The following ABCB1 variants were observed in gnomAD, a reference collection of about 807,000 sequenced individuals.
The protein encoded by ABCB1 is ATP-dependent translocase ABCB1.
A neutral mutation model predicts 142.0 loss-of-function variants in ABCB1; 69 were observed. The ratio of observed to expected loss-of-function variants is 0.49; its 90% CI spans 0.40 to 0.59. ABCB1 has a LOEUF of 0.59. ABCB1 is among the 20% of genes least tolerant of loss of function. ABCB1 has a pLI of 0.00. For synonymous variants in ABCB1, 532 were observed against 539.2 expected, an observed-to-expected ratio of 0.99 and a Z score of 0.18; for missense variants, 1,326 against 1,554.7, an observed-to-expected ratio of 0.85 and a Z score of 2.47.
At chr7:87,606,110 G>A (rs1435884760) in intron 1 of ABCB1, among the ~76,000 whole-genome samples, 1 of 151,840 alleles carries the variant, frequency 6.6e-6, no homozygotes, top group East Asian at 1.9e-4. Context: ...TATATAAAGA[G>A]CTTATATAAA....
At chr7:87,692,430 C>T (rs1173210469) in intron 1 of ABCB1, among the ~76,000 whole-genome samples, 1 of 152,138 alleles carries the variant, frequency 6.6e-6, no homozygotes, top group East Asian at 1.9e-4. Flanking sequence ...GAGCTCCAGC[C>T]AGGGTGACAA....
Position 87,561,139 on chromosome 7 carries a change from C to T in ABCB1, c.827+124G>A, listed in dbSNP as rs1817547411. On this transcript the variant is annotated intron_variant, in intron 8 of 27. Transcript: ENST00000622132. ...AAATATTAGTTATGCTGTAATACAT[C>T]CATTAAGCTATTTAAGAAAACATAT... 3 of 1,111,364 alleles carry T rather than the reference C, an allele frequency of 2.7e-6. No individual in the cohort carries two copies. In the Admixed American group the frequency reaches 7.6e-5, roughly 28 times the overall value. The allele number at this position is 1,111,364 out of a possible 1,614,324, so 68.8% of individuals were successfully genotyped here. A position where few individuals can be genotyped will look rare whatever the true frequency, so the allele number is the denominator to read the frequency against.
intron 8 of ABCB1, 30 bp from the exon 9 acceptor site, chr7:87,553,962 T>C (rs201719464): frequency 1.2e-5 from 19 of 1,578,918 alleles, no homozygotes; most frequent in Non-Finnish European, 1.7e-5. Context: ...TGATCACATA[T>C]ACATTTTATG....
Position 87,503,547 on chromosome 7 carries a change from G to C in ABCB1, c.*696C>G, listed in dbSNP as rs1584823045. On this transcript the variant is annotated 3_prime_UTR_variant, in exon 28 of 28. Coordinates refer to ENST00000622132, the MANE Select transcript of ABCB1 (RefSeq NM_001348946.2). ...AATGCAAAGTATTTACTATACATCT[G>C]AATAATATGCACTTCATAATTGTGC... 1.3e-5 allele frequency: 2 copies of C among 152,630 alleles called. No homozygotes were observed. Among genetic ancestry groups the C allele is most frequent in the African/African-American group, 2.4e-5 (1 of 41,412 alleles). 9.5% of individuals were successfully genotyped at this position (152,630 alleles called of 1,614,324 possible).
intron 1 of ABCB1, among the ~76,000 whole-genome samples, chr7:87,698,764 G>A (rs1234880473): frequency 6.6e-6 from 1 of 152,178 alleles, no homozygotes; most frequent in Non-Finnish European, 1.5e-5. Context: ...CGCCTAATAT[G>A]TGAAATAATC....
rs1018838697 is a variant in ABCB1, at chr7:87,549,428, G to T, written c.1645C>A (p.Pro549Thr). 6.2e-7 allele frequency: 1 copy of T among 1,614,042 alleles called. No homozygotes were observed. Among genetic ancestry groups the T allele is most frequent in the African/African-American group, 1.3e-5 (1 of 74,910 alleles). The change falls in exon 14 of 28, where the codon CCC becomes ACC. Residue 549 changes from proline (P) to threonine (T), a missense_variant. Transcript: ENST00000622132. ...GCCTCATCCAGCAGGAGGATCTTGG[G>T]GTTGCGAACCAGGGCACGTGCAATG... ...IAIARALVRN[P>T]KILLLDEATS...
chr7:87,530,218 T>C (rs1563036875), intron 21 of ABCB1, among the ~76,000 whole-genome samples: 1 of 152,198 alleles, frequency 6.6e-6, no homozygotes, highest in African/African-American at 2.4e-5. Context: ...AGAATGTTCA[T>C]CACACATATA....
In ABCB1 at chr7:87,570,165, T is replaced by C; in HGVS notation, c.338+7A>G. ...ACTTAACAATAGTAAGGAGAATGTC[T>C]AATTACCTGGTCATGTCTTCCTCCA... is the stretch of plus-strand genomic sequence containing the variant. On this transcript the variant is annotated splice_region_variant and intron_variant, in intron 5 of 27. Transcript: ENST00000622132. The C allele has an allele frequency of 6.2e-7, 1 of 1,611,480 alleles. No individual in the cohort carries two copies. Among genetic ancestry groups the C allele is most frequent in the Non-Finnish European group, 8.5e-7 (1 of 1,178,094 alleles).
chr7:87,566,829 C>A lies in ABCB1; in HGVS notation c.486G>T (p.Trp162Cys), dbSNP rs1184150141. The change falls in exon 6 of 28, where the codon TGG becomes TGT. Residue 162 changes from tryptophan to cysteine, a missense_variant. Trp to Cys is a radical substitution (Grantham distance 215). Transcript: ENST00000622132. ...GCTCCCCAACATCGTGCACATCAAA[C>A]CAGCCTATCTCCTGTCGCATTATAG... ...FHAIMRQEIG[W>C]FDVHDVGELN... 1 of 1,614,016 alleles carries A rather than the reference C, an allele frequency of 6.2e-7. No individual in the cohort carries two copies. The highest frequency in any genetic ancestry group is 8.5e-7 in the Non-Finnish European group (1 of 1,180,044).
intron 1 of ABCB1, among the ~76,000 whole-genome samples, chr7:87,679,276 G>T (rs1162945042): frequency 6.7e-6 from 1 of 149,106 alleles, no homozygotes; most frequent in Non-Finnish European, 1.5e-5. Context: ...TGTATTTTTA[G>T]TAGAGACGGA....
At chr7:87,673,993 CT>C (rs1826075817) in intron 1 of ABCB1, among the ~76,000 whole-genome samples, 1 of 152,206 alleles carries the variant, frequency 6.6e-6, no homozygotes. Flanking sequence ...TAGCTCAGCA[CT>C]CCTCGGCTGT....
rs1473237773 is a variant in ABCB1 at position 87,506,016 on chromosome 7, C to T, written c.3517G>A (p.Gly1173Arg). Residue 1173 changes from glycine to arginine, a missense_variant, in exon 27 of 28, where the codon GGA becomes AGA. Physicochemically the swap from Gly to Arg is moderately radical, Grantham distance 125. Transcript: ENST00000622132. ...TTCTGGCCACCAGAGAGCTGAGTTCCTTTGTCTCCTACTTTAGTGCTATAT... is the reference window on the plus strand; with the variant it reads ...TTCTGGCCACCAGAGAGCTGAGTTCTTTTGTCTCCTACTTTAGTGCTATAT... The part of the protein sequence containing the change: ...NKYSTKVGDK[G>R]TQLSGGQKQR... 1.2e-6 allele frequency: 2 copies of T among 1,614,058 alleles called. No individual in the cohort carries two copies. Among genetic ancestry groups the T allele is most frequent in the Admixed American group, 3.3e-5 (2 of 60,010 alleles).
intron 1 of ABCB1, among the ~76,000 whole-genome samples, chr7:87,701,873 G>T (rs1829069944): frequency 6.6e-6 from 1 of 152,072 alleles, no homozygotes; most frequent in African/African-American, 2.4e-5. Context: ...GCCGGGCGCG[G>T]TGGCTCACGC....
chr7:87,702,307 C>T (rs983268647), intron 1 of ABCB1, among the ~76,000 whole-genome samples: 40 of 151,226 alleles, frequency 2.6e-4, no homozygotes, highest in African/African-American at 9.7e-4. Context: ...GGGACAGGGT[C>T]TTGCTCTGTT....
At chr7:87,642,045 C>T (rs1185967885) in intron 1 of ABCB1, among the ~76,000 whole-genome samples, 1 of 151,678 alleles carries the variant, frequency 6.6e-6, no homozygotes, top group Non-Finnish European at 1.5e-5. Context: ...ATGCTTTTTG[C>T]AGGAAAAATA....
At chr7:87,549,773 G>A in intron 13 of ABCB1, 78 bp downstream of exon 13, 19 of 1,513,524 alleles carry the variant, frequency 1.3e-5, no homozygotes, top group Non-Finnish European at 1.7e-5. Context: ...ATTTATAGTA[G>A]TTTCCTAACT....
At chr7:87,508,058 A>G (rs1160628117) in intron 26 of ABCB1, among the ~76,000 whole-genome samples, 1 of 152,150 alleles carries the variant, frequency 6.6e-6, no homozygotes, top group Non-Finnish European at 1.5e-5. Context: ...TGACAGGATC[A>G]TTTGTACCCT....
At chr7:87,713,130 C>T (rs1830239506) in intron 1 of ABCB1, 1 of 152,190 alleles carries the variant, frequency 6.6e-6, no homozygotes, top group East Asian at 1.9e-4. Context: ...TTGTAAAATA[C>T]AAACAATTAG....
intron 1 of ABCB1, among the ~76,000 whole-genome samples, chr7:87,706,373 G>A (rs1178806543): frequency 6.6e-6 from 1 of 152,030 alleles, no homozygotes; most frequent in African/African-American, 2.4e-5. Flanking sequence ...ATTGAAGGGA[G>A]GAGTAGAAGC....
Sources: allele counts gnomAD v4.1 joint callset (sites outside exome capture counted in the v4.1 genomes callset), GRCh38; gene constraint gnomAD v4.1.1; transcripts MANE v1.5; gene names NCBI Gene and HGNC (gene_info 2026-07-23, HGNC 2026-07-21).